TRDN: variants seen among roughly 807,000 people sequenced by gnomAD.
The protein encoded by TRDN is triadin, also known as triadin in skeletal muscle.
Under a neutral mutation model 149.7 loss-of-function variants are expected in TRDN, and 161 were observed. The observed-to-expected ratio is 1.08, with a 90% CI of 0.95 to 1.23. The LOEUF is 1.23. Among genes scored for constraint, TRDN ranks in the 50% most tolerant of loss-of-function variants. TRDN has a pLI of 0.00. For synonymous variants in TRDN, 294 were observed against 250.5 expected, an observed-to-expected ratio of 1.17 and a Z score of -1.64; for missense variants, 896 against 823.5, an observed-to-expected ratio of 1.09 and a Z score of -1.08.
chr6:123,358,552 C>T (rs896475931), intron 20 of TRDN, among the ~76,000 whole-genome samples: 2 of 152,034 alleles, frequency 1.3e-5, no homozygotes, highest in East Asian at 1.9e-4. Flanking sequence ...GCAACCTCTG[C>T]CTTCTGGGTT....
intron 23 of TRDN, among the ~76,000 whole-genome samples, chr6:123,322,111 T>C (rs1779263514): frequency 6.6e-6 from 1 of 152,192 alleles, no homozygotes; most frequent in Non-Finnish European, 1.5e-5. Flanking sequence ...ACTTCATGCA[T>C]TCTCTATGCT....
chr6:123,468,724 T>C (rs1276233327), intron 9 of TRDN: 4 of 152,180 alleles, frequency 2.6e-5, no homozygotes, highest in Admixed American at 2.0e-4. Flanking sequence ...TTGAAAACCA[T>C]TTCTGAACAA....
chr6:123,450,777 T>G (rs577744424), intron 10 of TRDN, among the ~76,000 whole-genome samples: 1 of 152,204 alleles, frequency 6.6e-6, no homozygotes, highest in South Asian at 2.1e-4. Context: ...GAACATTTCA[T>G]CCAACAACCA....
intron 24 of TRDN, among the ~76,000 whole-genome samples, chr6:123,309,006 C>T (rs1166113390): frequency 6.6e-6 from 1 of 151,838 alleles, no homozygotes; most frequent in African/African-American, 2.4e-5. Flanking sequence ...ATTCCAAGGT[C>T]ATTACTTTCT....
intron 26 of TRDN, among the ~76,000 whole-genome samples, chr6:123,276,464 T>G (rs1777370364): frequency 6.6e-6 from 1 of 152,170 alleles, no homozygotes; most frequent in Admixed American, 6.6e-5. Context: ...TTCTCCTTGT[T>G]GTTTATAATA....
intron 2 of TRDN, among the ~76,000 whole-genome samples, chr6:123,569,316 C>T (rs1029367434): frequency 2.6e-5 from 4 of 152,158 alleles, no homozygotes; most frequent in African/African-American, 9.7e-5. Context: ...GCATTTTGGT[C>T]TCAACCATTT....
chr6:123,301,764 T>TACAC (rs1554221695), intron 24 of TRDN, among the ~76,000 whole-genome samples: 2 of 80,638 alleles, frequency 2.5e-5, no homozygotes, highest in African/African-American at 7.4e-5. Context: ...TATATATATA[T>TACAC]ATATACATAT....
At chr6:123,271,670 T>A (rs1365274224) in intron 29 of TRDN, among the ~76,000 whole-genome samples, 1 of 151,986 alleles carries the variant, frequency 6.6e-6, no homozygotes, top group Non-Finnish European at 1.5e-5. Flanking sequence ...ATGTCCTTTG[T>A]TCTCAGTGAT....
intron 12 of TRDN, among the ~76,000 whole-genome samples, chr6:123,425,235 GTGT>G (rs1562306927): frequency 2.4e-3 from 8 of 3,300 alleles, no homozygotes; most frequent in Admixed American, 6.4e-3. Context: ...AGGTAGAGGT[GTGT>G]GTGTGTGTGT....
At chr6:123,224,640 C>T (rs1181432075) in intron 38 of TRDN, among the ~76,000 whole-genome samples, 1 of 151,588 alleles carries the variant, frequency 6.6e-6, no homozygotes, top group Non-Finnish European at 1.5e-5. Flanking sequence ...AAAAAGGTAC[C>T]AAGAATAAAC....
At chr6:123,377,333 T>C (rs1204078899) in intron 18 of TRDN, among the ~76,000 whole-genome samples, 2 of 152,204 alleles carry the variant, frequency 1.3e-5, no homozygotes, top group Non-Finnish European at 2.9e-5. Flanking sequence ...TGTTCTTGTT[T>C]TGTTTTGCTT....
chr6:123,614,208 G>C (rs1177802409), intron 1 of TRDN, among the ~76,000 whole-genome samples: 1 of 148,566 alleles, frequency 6.7e-6, no homozygotes. Flanking sequence ...CATGGCTGTA[G>C]GTATGTATAA....
intron 9 of TRDN, among the ~76,000 whole-genome samples, chr6:123,482,670 A>T (rs1777797522): frequency 6.6e-6 from 1 of 152,170 alleles, no homozygotes; most frequent in Admixed American, 6.5e-5. Context: ...TAAATCATCA[A>T]TTTGTTTCTA....
intron 13 of TRDN, among the ~76,000 whole-genome samples, chr6:123,390,225 G>A (rs1180708590): frequency 6.6e-6 from 1 of 152,116 alleles, no homozygotes; most frequent in East Asian, 1.9e-4. Context: ...GGCTCAGAAT[G>A]TGAATACATT....
chr6:123,249,324 T>G (rs1582774839), intron 38 of TRDN, among the ~76,000 whole-genome samples: 1 of 152,132 alleles, frequency 6.6e-6, no homozygotes, highest in Non-Finnish European at 1.5e-5. Context: ...GCTTATACAC[T>G]GTTGGTTGGA....
Position 123,241,426 on chromosome 6 carries a change from A to G in TRDN, c.1975+10986T>C, listed in dbSNP as rs1236688623. Among the ~76,000 whole-genome samples, 3 of 151,598 alleles carry G rather than the reference A, an allele frequency of 2.0e-5. No individual in the cohort carries two copies. The East Asian group carries it at 5.8e-4, about 29-fold the overall frequency. ...ATCTATGAAATCTGTATTTAATTTT[A>G]TCTTATGCTTAAATTTCAGACTAAT... On this transcript the variant is annotated intron_variant, in intron 38 of 40. Transcript: ENST00000334268.
At chr6:123,568,546 G>A (rs570032309) in intron 2 of TRDN, among the ~76,000 whole-genome samples, 36 of 152,346 alleles carry the variant, frequency 2.4e-4, no homozygotes, top group African/African-American at 7.9e-4. Context: ...TGAAATCTAG[G>A]TGGAGGCTGC....
At chr6:123,324,837 C>T (rs765711731) in intron 23 of TRDN, among the ~76,000 whole-genome samples, 1 of 152,124 alleles carries the variant, frequency 6.6e-6, no homozygotes, top group Non-Finnish European at 1.5e-5. Flanking sequence ...GACCTCTTTC[C>T]ATCCTATCAA....
chr6:123,348,535 C>T (rs1300084255), intron 21 of TRDN, among the ~76,000 whole-genome samples: 1 of 151,850 alleles, frequency 6.6e-6, no homozygotes, highest in African/African-American at 2.4e-5. Flanking sequence ...ATAATTAGGC[C>T]TGTAGTGGAA....
Sources: gnomAD v4.1 joint callset for allele counts (sites outside exome capture counted in the v4.1 genomes callset) on GRCh38, gnomAD v4.1.1 for gene constraint, MANE v1.5 for transcripts, NCBI Gene and HGNC (gene_info 2026-07-23, HGNC 2026-07-21) for gene names.